MRPL42: variants seen among roughly 807,000 people sequenced by gnomAD.
The protein encoded by MRPL42 is mitochondrial ribosomal protein L42, also known as large ribosomal subunit protein mL42.
A neutral mutation model predicts 17.9 loss-of-function variants in MRPL42; 17 were observed. That is an observed-to-expected ratio of 0.95 (90% CI 0.65 to 1.42). MRPL42 has a LOEUF of 1.42. Among genes scored for constraint, MRPL42 ranks in the 40% most tolerant of loss-of-function variants. MRPL42 has a pLI of 0.00. For synonymous variants in MRPL42, 59 were observed against 54.4 expected, an observed-to-expected ratio of 1.08 and a Z score of -0.37; for missense variants, 177 against 175.2, an observed-to-expected ratio of 1.01 and a Z score of -0.06.
At position 93,501,259 on chromosome 12, in the gene MRPL42, T is replaced by A. The variant is rs1953590728; in HGVS notation, c.*38T>A. The stretch of plus-strand genomic sequence containing the variant: ...TGGGGGAATCAAAGAGAAATGTGCC[T>A]CATTTGCCATTTGAGAAAATGCAGT... On this transcript the variant is annotated 3_prime_UTR_variant, in exon 6 of 6. Transcript: ENST00000549982. The A allele has an allele frequency of 1.3e-6, 2 of 1,544,336 alleles. No individual in the cohort carries two copies. The highest frequency in any genetic ancestry group is 1.4e-5 in the African/African-American group (1 of 72,142).
intron 4 of MRPL42, among the ~76,000 whole-genome samples, chr12:93,485,776 A>G (rs1880713257): frequency 6.6e-6 from 1 of 152,092 alleles, no homozygotes; most frequent in Non-Finnish European, 1.5e-5. Flanking sequence ...AATATAGGTA[A>G]CTTGACCCTC....
chr12:93,486,473 T>G (rs927940468), intron 4 of MRPL42, among the ~76,000 whole-genome samples: 4 of 152,118 alleles, frequency 2.6e-5, no homozygotes, highest in African/African-American at 9.7e-5. Flanking sequence ...GCCTCCTGAG[T>G]AGCTGGGATT....
rs781719595 is a variant in MRPL42 at position 93,469,282 on chromosome 12, C to T, written c.-4C>T. 2.6e-5 allele frequency: 41 copies of T among 1,607,512 alleles called. No individual in the cohort carries two copies. The African/African-American group carries it at 4.6e-4, about 18-fold the overall frequency. On this transcript the variant is annotated 5_prime_UTR_variant, in exon 2 of 6. Coordinates refer to ENST00000549982, the MANE Select transcript of MRPL42 (RefSeq NM_014050.4). ...ATACCACTTGATAAGCATCTTGAAA[C>T]ACCATGGCTGTAGCTGCAGTAAAAT...
chr12:93,503,476 GCTCAAGCAATC>G lies in MRPL42; in HGVS notation c.*2259_*2269del, dbSNP rs1156306791. On this transcript the variant is annotated 3_prime_UTR_variant, in exon 6 of 6. Coordinates refer to ENST00000549982, the MANE Select transcript of MRPL42 (RefSeq NM_014050.4). ...TTGCACTGCAACCTCAATATCCTGGGCTCAAGCAATCCTCCCACCGCAGCCTCCCGAATTGC... is the reference window on the plus strand; with the variant it reads ...TTGCACTGCAACCTCAATATCCTGGGCTCCCACCGCAGCCTCCCGAATTGC... 2 of 151,948 alleles carry G rather than the reference GCTCAAGCAATC, an allele frequency of 1.3e-5. No individual in the cohort carries two copies. Among genetic ancestry groups the G allele is most frequent in the Non-Finnish European group, 2.9e-5 (2 of 68,020 alleles). 9.4% of individuals were successfully genotyped at this position (151,948 alleles called of 1,614,324 possible).
intron 3 of MRPL42, among the ~76,000 whole-genome samples, chr12:93,478,936 TTATTTA>T (rs1196392573): frequency 2.0e-5 from 3 of 148,404 alleles, no homozygotes; most frequent in South Asian, 2.1e-4. Context: ...ATTTATTTAT[TTATTTA>T]TTTTTTTGAG....
At chr12:93,470,176 A>G (rs761006305) in intron 2 of MRPL42, among the ~76,000 whole-genome samples, 24 of 152,192 alleles carry the variant, frequency 1.6e-4, no homozygotes, top group Non-Finnish European at 2.9e-5. Flanking sequence ...TAAAAAAATG[A>G]AATGTAATTT....
At chr12:93,475,240 G>A (rs1880108616) in intron 2 of MRPL42, among the ~76,000 whole-genome samples, 1 of 151,658 alleles carries the variant, frequency 6.6e-6, no homozygotes, top group South Asian at 2.1e-4. Context: ...TTAGCCTCCC[G>A]AGTAGCTGGG....
chr12:93,470,538 G>A, intron 2 of MRPL42: 2 of 1,294,526 alleles, frequency 1.5e-6, no homozygotes, highest in Non-Finnish European at 2.0e-6. Context: ...ATATACTGAG[G>A]TTTGGGCTTC....
intron 4 of MRPL42, among the ~76,000 whole-genome samples, chr12:93,484,714 A>C (rs926258056): frequency 2.6e-5 from 4 of 151,676 alleles, no homozygotes; most frequent in African/African-American, 7.3e-5. Context: ...CTTCTGCCTC[A>C]GCCTCCCGAG....
intron 5 of MRPL42, among the ~76,000 whole-genome samples, chr12:93,497,118 C>G (rs1243699654): frequency 6.6e-6 from 1 of 152,140 alleles, no homozygotes; most frequent in Non-Finnish European, 1.5e-5. Flanking sequence ...GACAGATCCA[C>G]AGCTGAATTC....
intron 5 of MRPL42, among the ~76,000 whole-genome samples, chr12:93,496,714 A>C (rs1206050139): frequency 6.6e-6 from 1 of 151,610 alleles, no homozygotes; most frequent in Non-Finnish European, 1.5e-5. Context: ...TTTAAAAATA[A>C]AGACAGCCAG....
intron 5 of MRPL42, 81 bp downstream of exon 5, chr12:93,487,741 G>GCAATAAAAACA (rs1953332866): frequency 7.8e-7 from 1 of 1,280,162 alleles, no homozygotes; most frequent in Non-Finnish European, 1.1e-6. Context: ...ACAAACTTCT[G>GCAATAAAAACA]AAGTGGTGTT....
At chr12:93,489,485 C>T (rs1953370549) in intron 5 of MRPL42, among the ~76,000 whole-genome samples, 1 of 151,784 alleles carries the variant, frequency 6.6e-6, no homozygotes, top group South Asian at 2.1e-4. Flanking sequence ...TCTTTCAATT[C>T]CTGCTTCTCT....
intron 2 of MRPL42, among the ~76,000 whole-genome samples, chr12:93,472,757 T>C (rs1300206815): frequency 6.6e-6 from 1 of 152,200 alleles, no homozygotes; most frequent in Non-Finnish European, 1.5e-5. Flanking sequence ...ATTTCCCAAA[T>C]GGTCAGTCAG....
intron 1 of MRPL42, 79 bp downstream of exon 1, chr12:93,467,633 G>C (rs2121146127): frequency 6.5e-6 from 1 of 152,850 alleles, no homozygotes; most frequent in East Asian, 1.9e-4. Flanking sequence ...GGCAGTTGTA[G>C]AGGTCTCCCG....
chr12:93,497,172 T>C (rs1398272427), intron 5 of MRPL42, among the ~76,000 whole-genome samples: 1 of 151,842 alleles, frequency 6.6e-6, no homozygotes, highest in East Asian at 1.9e-4. Context: ...CTGATACTAT[T>C]CCCCCAACAA....
rs1289558560 is a variant in MRPL42, at chr12:93,511,620, T to C, written c.*10399T>C. On this transcript the variant is annotated 3_prime_UTR_variant, in exon 6 of 6. Coordinates refer to ENST00000549982, the MANE Select transcript of MRPL42 (RefSeq NM_014050.4). The stretch of plus-strand genomic sequence containing the variant: ...ACCTTTTCTTGCAATTGGTTTGATG[T>C]ACCATTAATATATAGATATTACTAA... 6.6e-6 allele frequency: 1 copy of C among 152,246 alleles called. No homozygotes were observed. The highest frequency in any genetic ancestry group is 1.5e-5 in the Non-Finnish European group (1 of 68,030). The allele number at this position is 152,246 out of a possible 1,614,324, so 9.4% of individuals were successfully genotyped here.
chr12:93,488,946 C>T (rs1953362487), intron 5 of MRPL42, among the ~76,000 whole-genome samples: 2 of 151,906 alleles, frequency 1.3e-5, no homozygotes, highest in Admixed American at 6.6e-5. Flanking sequence ...CTTCCTCAGC[C>T]TCCTAAGTAG....
At chr12:93,483,400 C>T (rs1044134346) in intron 4 of MRPL42, among the ~76,000 whole-genome samples, 1 of 152,176 alleles carries the variant, frequency 6.6e-6, no homozygotes, top group African/African-American at 2.4e-5. Flanking sequence ...TAGCCTACTA[C>T]ACACCCAGAC....
Sources: allele counts gnomAD v4.1 joint callset (sites outside exome capture counted in the v4.1 genomes callset), GRCh38; gene constraint gnomAD v4.1.1; transcripts MANE v1.5; gene names NCBI Gene and HGNC (gene_info 2026-07-23, HGNC 2026-07-21).